The following ARHGAP39 variants were observed in gnomAD, a reference collection of about 807,000 sequenced individuals.
ARHGAP39 encodes the protein Rho GTPase activating protein 39.
ARHGAP39 carries 44 observed loss-of-function variants against 106.9 expected under a neutral mutation model. The observed-to-expected ratio is 0.41, with a 90% confidence interval of 0.32 to 0.53. The LOEUF is 0.53. Ranked by LOEUF, ARHGAP39 falls within the 20% of genes least tolerant of loss-of-function variation. The pLI is 0.21. For synonymous variants in ARHGAP39, 768 were observed against 693.2 expected (o/e 1.11, Z -1.69); for missense variants, 1,496 against 1,577.3 (o/e 0.95, Z 0.87).
chr8:144,544,225 G>T (rs1187174370), intron 6 of ARHGAP39, among the ~76,000 whole-genome samples: 1 of 152,252 alleles, frequency 6.6e-6, no homozygotes, highest in Non-Finnish European at 1.5e-5. Context: ...ACAGCTGATG[G>T]GCTGGGTGGT....
chr8:144,639,942 A>G (rs569368861), intron 1 of ARHGAP39, among the ~76,000 whole-genome samples: 2 of 152,320 alleles, frequency 1.3e-5, no homozygotes, highest in South Asian at 2.1e-4. Flanking sequence ...CTGACACAAT[A>G]ATTTACTGGC....
chr8:144,651,941 A>G (rs1821583867), intron 1 of ARHGAP39, among the ~76,000 whole-genome samples: 1 of 152,176 alleles, frequency 6.6e-6, no homozygotes, highest in African/African-American at 2.4e-5. Flanking sequence ...TTAAAGACTT[A>G]AATGTAAAAC....
At chr8:144,580,479 A>G (rs1818930337) in intron 3 of ARHGAP39, among the ~76,000 whole-genome samples, 1 of 152,186 alleles carries the variant, frequency 6.6e-6, no homozygotes, top group South Asian at 2.1e-4. Flanking sequence ...CAGAGAGACA[A>G]GAAAGTGCTC....
chr8:144,682,238 C>T (rs539458397), intron 1 of ARHGAP39, among the ~76,000 whole-genome samples: 2 of 75,660 alleles, frequency 2.6e-5, no homozygotes, highest in Non-Finnish European at 4.7e-5. Flanking sequence ...GAGCAAGACT[C>T]TATCTCAAAA....
chr8:144,564,334 G>A (rs562503752), intron 3 of ARHGAP39, among the ~76,000 whole-genome samples: 5 of 152,282 alleles, frequency 3.3e-5, no homozygotes, highest in Non-Finnish European at 5.9e-5. Context: ...ATGCTCTTCC[G>A]TCTCGGGACG....
intron 3 of ARHGAP39, among the ~76,000 whole-genome samples, chr8:144,579,546 C>T (rs539326518): frequency 1.3e-5 from 2 of 152,294 alleles, no homozygotes; most frequent in African/African-American, 4.8e-5. Flanking sequence ...ACCTGATTTG[C>T]CCCACCTCCT....
intron 1 of ARHGAP39, among the ~76,000 whole-genome samples, chr8:144,665,970 G>A (rs772463935): frequency 5.3e-5 from 8 of 152,158 alleles, no homozygotes; most frequent in Non-Finnish European, 8.8e-5. Context: ...GACACTAAAC[G>A]TCAGCCTGTG....
At chr8:144,609,079 T>C (rs1455988116) in intron 1 of ARHGAP39, among the ~76,000 whole-genome samples, 1 of 152,234 alleles carries the variant, frequency 6.6e-6, no homozygotes, top group East Asian at 1.9e-4. Flanking sequence ...ACCTGCAGTA[T>C]TATTACTGAA....
chr8:144,547,267 C>T lies in ARHGAP39; in HGVS notation c.1819G>A (p.Glu607Lys), dbSNP rs903898384. ...GPVVRAFSED[E>K]ALAQQENRHW... is the part of the protein sequence containing the mutation. ...CTGTTCTCCTGCTGGGCCAGCGCCTCGTCCTCGCTGAAGGCCCGCACCACC... is the reference window on the plus strand; with the variant it reads ...CTGTTCTCCTGCTGGGCCAGCGCCTTGTCCTCGCTGAAGGCCCGCACCACC... Residue 607 changes from glutamate (E) to lysine (K), a missense_variant, in exon 5 of 12, where the codon GAG becomes AAG. Glu to Lys is a moderately conservative substitution (Grantham distance 56). Around this residue, in one of 4 missense-constraint regions of ARHGAP39, gnomAD observed 905 missense variants for 816.4 expected, o/e 1.11. Coordinates refer to ENST00000377307, the MANE Select transcript of ARHGAP39 (RefSeq NM_025251.3). This position sits in a 1 kb window ranked among gnomAD's most constrained non-coding sequence, Gnocchi z 5.2. The T allele has an allele frequency of 3.1e-6, 5 of 1,612,336 alleles. No individual in the cohort carries two copies. Among genetic ancestry groups the T allele is most frequent in the African/African-American group, 1.3e-5 (1 of 74,908 alleles).
At chr8:144,544,173 A>G (rs1817307452) in intron 6 of ARHGAP39, among the ~76,000 whole-genome samples, 1 of 152,256 alleles carries the variant, frequency 6.6e-6, no homozygotes, top group Middle Eastern at 3.4e-3. Flanking sequence ...CTTGTGTTGA[A>G]AAGTCGGGTG....
upstream of ARHGAP39, among the ~76,000 whole-genome samples, chr8:144,686,959 G>T (rs188795738): frequency 2.8e-4 from 20 of 71,336 alleles, 2 homozygotes; most frequent in East Asian, 1.6e-3. Context: ...ACCACGCACT[G>T]GCGGCGAGCA....
At chr8:144,697,099 C>A in the ARHGAP39 span, among the ~76,000 whole-genome samples, 1 of 152,056 alleles carries the variant, frequency 6.6e-6, no homozygotes, top group East Asian at 1.9e-4. Context: ...CCGAGGCAGG[C>A]GGATCACTTG....
At chr8:144,556,387 C>T (rs537278076) in intron 3 of ARHGAP39, among the ~76,000 whole-genome samples, 2 of 151,918 alleles carry the variant, frequency 1.3e-5, no homozygotes, top group South Asian at 2.1e-4. Context: ...GCTGAGTAGG[C>T]GATTATCCCG....
chr8:144,530,631 A>AGGGGGGG lies in ARHGAP39; in HGVS notation c.3151-16_3151-15insCCCCCCC. On this transcript the variant is annotated splice_polypyrimidine_tract_variant and intron_variant, in intron 11 of 11. Coordinates refer to ENST00000377307, the MANE Select transcript of ARHGAP39 (RefSeq NM_025251.3). Reference sequence around the variant, plus strand: ...TGCACGAAGACCTGGTGGAGGAGCGAGGGTGGGCGCGGAGGGGCGGGGGCG... The same window carrying AGGGGGGG: ...TGCACGAAGACCTGGTGGAGGAGCGAGGGGGGGGGGTGGGCGCGGAGGGGCGGGGGCG... 1 of 628,768 alleles carries AGGGGGGG rather than the reference A, an allele frequency of 1.6e-6. No homozygotes were observed. Among genetic ancestry groups the AGGGGGGG allele is most frequent in the Non-Finnish European group, 2.0e-6 (1 of 502,570 alleles). The allele number at this position is 628,768 out of a possible 1,614,324, so 38.9% of individuals were successfully genotyped here. A position where few individuals can be genotyped will look rare whatever the true frequency, so the allele number is the denominator to read the frequency against.
chr8:144,556,161 T>A (rs961545595), intron 3 of ARHGAP39, among the ~76,000 whole-genome samples: 2 of 151,752 alleles, frequency 1.3e-5, no homozygotes, highest in African/African-American at 4.8e-5. Flanking sequence ...GGCGGGCGCC[T>A]GTAGTCCCAG....
intron 1 of ARHGAP39, among the ~76,000 whole-genome samples, chr8:144,620,993 G>A (rs1820793713): frequency 6.6e-6 from 1 of 152,282 alleles, no homozygotes; most frequent in South Asian, 2.1e-4. Flanking sequence ...TCACCAGCCT[G>A]TGAAGGCCTG....
intron 1 of ARHGAP39, among the ~76,000 whole-genome samples, chr8:144,631,255 T>C (rs746579082): frequency 6.6e-6 from 1 of 152,230 alleles, no homozygotes; most frequent in Non-Finnish European, 1.5e-5. Context: ...ACATGAGATT[T>C]GGGCAAATAT....
At chr8:144,615,476 A>G (rs1820609480) in intron 1 of ARHGAP39, among the ~76,000 whole-genome samples, 1 of 151,926 alleles carries the variant, frequency 6.6e-6, no homozygotes, top group African/African-American at 2.4e-5. Flanking sequence ...CCAAAAATCC[A>G]TTCTTGTTAA....
At chr8:144,596,018 A>T (rs1819609272) in intron 2 of ARHGAP39, among the ~76,000 whole-genome samples, 1 of 152,144 alleles carries the variant, frequency 6.6e-6, no homozygotes, top group South Asian at 2.1e-4. Context: ...GAGGACACCC[A>T]GACCAAGCAG....
Sources: gnomAD v4.1 joint callset for allele counts (sites outside exome capture counted in the v4.1 genomes callset) on GRCh38, gnomAD v4.1.1 for gene constraint, gnomAD v4.1.1 regional missense constraint, Gnocchi (gnomAD v3.1) non-coding constraint, MANE v1.5 for transcripts, NCBI Gene and HGNC (gene_info 2026-07-23, HGNC 2026-07-21) for gene names.